The following CHEK2 variants were observed in gnomAD, a reference collection of about 807,000 sequenced individuals.
CHEK2 encodes serine/threonine-protein kinase Chk2.
In CHEK2, 71 loss-of-function variants were observed where a neutral mutation model predicts 69.1. The ratio of observed to expected loss-of-function variants is 1.03; its 90% CI spans 0.85 to 1.25. CHEK2 has a LOEUF of 1.25. Among genes scored for constraint, CHEK2 ranks in the 50% most tolerant of loss-of-function variants. The pLI, the probability that CHEK2 is intolerant of heterozygous loss-of-function variation, is 0.00. For synonymous variants in CHEK2, 189 were observed against 226.9 expected (o/e 0.83, Z 1.50); for missense variants, 664 against 649.6 (o/e 1.02, Z -0.24).
At chr22:28,716,197 CTCT>C (rs1478423775) in intron 5 of CHEK2, among the ~76,000 whole-genome samples, 7 of 131,018 alleles carry the variant, frequency 5.3e-5, no homozygotes, top group Non-Finnish European at 6.4e-5. Flanking sequence ...TTTCTTTTTT[CTCT>C]TTTTTTTTTT....
rs17886176 is a variant in CHEK2, at chr22:28,723,324, C to A, written c.592+1653G>T. ...TATAAAAAGAGCTCAATAGGCCGGG[C>A]GCGGTGGCTCACGCCTGTAATCCCA... On this transcript the variant is annotated intron_variant, in intron 4 of 14. Transcript: ENST00000404276. Among the ~76,000 whole-genome samples the A allele has an allele frequency of 2.9e-3, 445 of 152,256 alleles. 1 individual carries two copies. Among genetic ancestry groups the A allele is most frequent in the African/African-American group, 0.01 (423 of 41,554 alleles).
At chr22:28,706,523 A>C (rs1338933433) in intron 7 of CHEK2, among the ~76,000 whole-genome samples, 2 of 152,170 alleles carry the variant, frequency 1.3e-5, no homozygotes, top group African/African-American at 2.4e-5. Flanking sequence ...GGCTCACTGC[A>C]GTCTCAACCT....
chr22:28,725,404 T>C, intron 2 of CHEK2, 37 bp from the exon 3 acceptor site: 10 of 1,613,668 alleles, frequency 6.2e-6, no homozygotes, highest in Non-Finnish European at 8.5e-6. Context: ...GGCTGTTGAA[T>C]TTCATGTATC....
At chr22:28,704,121 GACACACACACACACACACAC>G (rs10565000) in intron 7 of CHEK2, among the ~76,000 whole-genome samples, 3 of 142,938 alleles carry the variant, frequency 2.1e-5, no homozygotes, top group African/African-American at 5.2e-5. Context: ...GAGACAGACA[GACACACACACACACACACAC>G]ACACACACAC....
Position 28,713,429 on chromosome 22 carries a change from G to A in CHEK2, c.684-1412C>T, listed in dbSNP as rs540788420. On this transcript the variant is annotated intron_variant, in intron 5 of 14. Coordinates refer to ENST00000404276, the MANE Select transcript of CHEK2 (RefSeq NM_007194.4). ...GGCTGGAGTGCAGTGGCGTGATCTC[G>A]GCTCACCGCAAGCTCCGCCTCCCGG... 4.7e-5 allele frequency among the ~76,000 whole-genome samples: 7 copies of A among 149,754 alleles called. No homozygotes were observed. In the South Asian group the frequency reaches 6.3e-4, roughly 14 times the overall value.
At chr22:28,723,076 C>T (rs770329381) in intron 4 of CHEK2, among the ~76,000 whole-genome samples, 4 of 152,104 alleles carry the variant, frequency 2.6e-5, no homozygotes, top group Non-Finnish European at 5.9e-5. Flanking sequence ...ACTTTTAACT[C>T]TATTGGTTGT....
At chr22:28,737,194 A>G (rs2054436405) in intron 1 of CHEK2, 1 of 446,914 alleles carries the variant, frequency 2.2e-6, no homozygotes, top group African/African-American at 2.1e-5. Context: ...ACAGAACCCT[A>G]TATAAATTAT....
intron 5 of CHEK2, among the ~76,000 whole-genome samples, chr22:28,716,853 A>G (rs1482892027): frequency 6.6e-6 from 1 of 152,176 alleles, no homozygotes; most frequent in Non-Finnish European, 1.5e-5. Flanking sequence ...CAAAGCCACA[A>G]CTATGCTCAG....
intron 2 of CHEK2, chr22:28,729,272 G>A (rs192934583): frequency 1.0e-4 from 27 of 270,214 alleles, no homozygotes; most frequent in Admixed American, 4.5e-4. Flanking sequence ...CGCCAGGCGC[G>A]GTGGCTCACA....
At chr22:28,732,927 G>A (rs2054261704) in intron 2 of CHEK2, among the ~76,000 whole-genome samples, 1 of 152,096 alleles carries the variant, frequency 6.6e-6, no homozygotes, top group African/African-American at 2.4e-5. Context: ...GAGTAGCTGG[G>A]ATTGCAGACA....
In CHEK2 at chr22:28,719,444, A is replaced by G; in HGVS notation, c.634T>C (p.Tyr212His). ...FDLTVDDQSV[Y>H]PKALRDEYIM... is the part of the protein sequence containing the mutation. ...TATTCATCTCTTAATGCCTTAGGAT[A>G]AACTGACTGATCATCTACAGTCAGA... Residue 212 changes from tyrosine to histidine, a missense_variant, in exon 5 of 15, where the codon TAT becomes CAT. Tyr to His is a moderately conservative substitution (Grantham distance 83). Transcript: ENST00000404276. 1 of 1,598,508 alleles carries G rather than the reference A, an allele frequency of 6.3e-7. No individual in the cohort carries two copies. The highest frequency in any genetic ancestry group is 8.5e-7 in the Non-Finnish European group (1 of 1,171,266).
intron 2 of CHEK2, among the ~76,000 whole-genome samples, chr22:28,731,914 C>T (rs2054229197): frequency 6.6e-6 from 1 of 151,856 alleles, no homozygotes; most frequent in African/African-American, 2.4e-5. Flanking sequence ...ACCTATAGGC[C>T]TATCTGAAAA....
chr22:28,710,174 A>C, intron 6 of CHEK2, 115 bp from the exon 7 acceptor site: 1 of 662,890 alleles, frequency 1.5e-6, no homozygotes, highest in Non-Finnish European at 2.7e-6. Context: ...ACCCAGCTCT[A>C]CTTATACAAA....
chr22:28,688,855 A>G (rs1414535731), intron 14 of CHEK2, among the ~76,000 whole-genome samples: 1 of 152,226 alleles, frequency 6.6e-6, no homozygotes, highest in South Asian at 2.1e-4. Context: ...TTTATATTTG[A>G]GCCTCTAATA....
intron 1 of CHEK2, among the ~76,000 whole-genome samples, chr22:28,739,855 C>T (rs1311287754): frequency 6.6e-6 from 1 of 152,152 alleles, no homozygotes; most frequent in Admixed American, 6.6e-5. Context: ...AAGGCTCTAT[C>T]TTATATTTTA....
rs187789144 is a variant in CHEK2 at position 28,689,352 on chromosome 22, A to G, written c.1462-137T>C. On this transcript the variant is annotated intron_variant, in intron 13 of 14. Coordinates refer to ENST00000404276, the MANE Select transcript of CHEK2 (RefSeq NM_007194.4). ...ATCATCCCCTTGATGAAGCTCCCAC[A>G]GCGAAGGCATTATGTGTTGCCCGCC... 832 of 746,812 alleles carry G rather than the reference A, an allele frequency of 1.1e-3. 4 individuals carry two copies. The highest frequency in any genetic ancestry group is 8.8e-3 in the African/African-American group (515 of 58,604). The allele number at this position is 746,812 out of a possible 1,614,324, so 46.3% of individuals were successfully genotyped here.
intron 9 of CHEK2, among the ~76,000 whole-genome samples, chr22:28,698,043 T>G (rs1159840933): frequency 1.3e-5 from 2 of 151,912 alleles, no homozygotes; most frequent in East Asian, 3.9e-4. Context: ...CCCATAAACA[T>G]GTACACCTAC....
Position 28,703,578 on chromosome 22 carries a change from G to C in CHEK2, c.847-12C>G, listed in dbSNP as rs769724628. ...TTGATGATGCAAGGCTAAGAAGAGGGGGAGAAAAAAGGGAAAGTAGTGAGA... is the reference window on the plus strand; with the variant it reads ...TTGATGATGCAAGGCTAAGAAGAGGCGGAGAAAAAAGGGAAAGTAGTGAGA... On this transcript the variant is annotated splice_polypyrimidine_tract_variant and intron_variant, in intron 7 of 14. Coordinates refer to ENST00000404276, the MANE Select transcript of CHEK2 (RefSeq NM_007194.4). 1.3e-6 allele frequency: 2 copies of C among 1,540,470 alleles called. No individual in the cohort carries two copies. The highest frequency in any genetic ancestry group is 1.8e-6 in the Non-Finnish European group (2 of 1,120,426).
intron 2 of CHEK2, among the ~76,000 whole-genome samples, chr22:28,729,540 C>CAAAAAAAAA (rs58149342): frequency 2.6e-4 from 22 of 83,070 alleles, no homozygotes; most frequent in African/African-American, 6.4e-4. Context: ...GACTCCATCT[C>CAAAAAAAAA]AAAAAAAAAA....
Sources: allele counts gnomAD v4.1 joint callset (sites outside exome capture counted in the v4.1 genomes callset), GRCh38; gene constraint gnomAD v4.1.1; transcripts MANE v1.5; gene names NCBI Gene and HGNC (gene_info 2026-07-23, HGNC 2026-07-21).